SORCS1: variants seen among roughly 807,000 people sequenced by gnomAD.
SORCS1 encodes the protein VPS10 domain-containing receptor SorCS1.
In SORCS1, 60 loss-of-function variants were observed where a neutral mutation model predicts 146.1. The observed-to-expected ratio is 0.41, with a 90% CI of 0.33 to 0.51. SORCS1 has a LOEUF of 0.51. Among genes scored for constraint, SORCS1 ranks in the 20% least tolerant of loss-of-function variants. The pLI is 0.21. For synonymous variants in SORCS1, 637 were observed against 584.0 expected (o/e 1.09, Z -1.31); for missense variants, 1,352 against 1,487.6 (o/e 0.91, Z 1.50).
At chr10:106,641,169 G>C (rs1589542802) in intron 18 of SORCS1, among the ~76,000 whole-genome samples, 1 of 152,294 alleles carries the variant, frequency 6.6e-6, no homozygotes, top group South Asian at 2.1e-4. Context: ...ATCAACCTCA[G>C]AATAGCTATG....
intron 3 of SORCS1, among the ~76,000 whole-genome samples, chr10:106,786,176 T>C (rs532819022): frequency 2.6e-5 from 4 of 152,342 alleles, no homozygotes; most frequent in African/African-American, 9.6e-5. Flanking sequence ...ACTTATGTAT[T>C]GTATAACAAT....
chr10:106,783,879 C>T (rs1861079915), intron 3 of SORCS1, among the ~76,000 whole-genome samples: 1 of 152,092 alleles, frequency 6.6e-6, no homozygotes. Context: ...GGTGGAGAAA[C>T]ATTTTCCCAC....
At chr10:107,155,227 G>A (rs372183316) in intron 1 of SORCS1, among the ~76,000 whole-genome samples, 148 of 152,256 alleles carry the variant, frequency 9.7e-4, no homozygotes, top group African/African-American at 3.3e-3. Context: ...AAACACTGTG[G>A]ACTGCATCTC....
intron 4 of SORCS1, among the ~76,000 whole-genome samples, chr10:106,763,702 T>G (rs1362670091): frequency 6.6e-6 from 1 of 152,180 alleles, no homozygotes; most frequent in Middle Eastern, 3.2e-3. Context: ...CCTACTAAGA[T>G]TCCTACCGGT....
chr10:107,069,916 C>T (rs1962272431), intron 1 of SORCS1, among the ~76,000 whole-genome samples: 1 of 152,174 alleles, frequency 6.6e-6, no homozygotes, highest in Non-Finnish European at 1.5e-5. Context: ...ACCACCATCA[C>T]AATCTAACTG....
intron 8 of SORCS1, 115 bp downstream of exon 8, chr10:106,706,430 A>G: frequency 1.0e-6 from 1 of 970,330 alleles, no homozygotes; most frequent in Non-Finnish European, 1.6e-6. Flanking sequence ...CAGAGATGAG[A>G]GATGTAAAGA....
At chr10:106,597,327 G>T in intron 24 of SORCS1, 24 bp downstream of exon 24, 2 of 1,605,560 alleles carry the variant, frequency 1.2e-6, no homozygotes, top group South Asian at 1.1e-5. Context: ...CCACCAGCCA[G>T]AACCCCGGGA....
chr10:106,776,848 C>G (rs1395951965), intron 3 of SORCS1, among the ~76,000 whole-genome samples, 156 bp from the exon 4 acceptor site: 2 of 152,256 alleles, frequency 1.3e-5, no homozygotes, highest in East Asian at 3.9e-4. Context: ...GATTATTTTT[C>G]CATCTTGGAT....
At chr10:107,168,972 G>C (rs1404151555), upstream of SORCS1, among the ~76,000 whole-genome samples, 1 of 151,990 alleles carries the variant, frequency 6.6e-6, no homozygotes, top group Non-Finnish European at 1.5e-5. Context: ...ACTTTTTTTA[G>C]GCTGAGGGGA....
intron 24 of SORCS1, among the ~76,000 whole-genome samples, chr10:106,592,965 C>A (rs1168409686): frequency 1.3e-5 from 2 of 151,958 alleles, no homozygotes; most frequent in Non-Finnish European, 2.9e-5. Context: ...TGGTGAAACC[C>A]TGTCTCTACC....
At chr10:107,127,584 TAAAC>T (rs2134601885) in intron 1 of SORCS1, among the ~76,000 whole-genome samples, 1 of 152,306 alleles carries the variant, frequency 6.6e-6, no homozygotes, top group East Asian at 1.9e-4. Context: ...CAGAGGAACT[TAAAC>T]AAACAATTGG....
chr10:107,148,399 G>A (rs563732809), intron 1 of SORCS1, among the ~76,000 whole-genome samples: 1 of 152,152 alleles, frequency 6.6e-6, no homozygotes, highest in African/African-American at 2.4e-5. Flanking sequence ...GTGTGGCCAT[G>A]TTCCAGTAAG....
chr10:106,649,062 T>A (rs1423890405), intron 18 of SORCS1, among the ~76,000 whole-genome samples: 2 of 152,082 alleles, frequency 1.3e-5, no homozygotes, highest in Non-Finnish European at 2.9e-5. Flanking sequence ...GCTTCCTCCA[T>A]CTGCTGAGAG....
intron 5 of SORCS1, among the ~76,000 whole-genome samples, chr10:106,758,490 G>T (rs541181190): frequency 6.6e-6 from 1 of 152,276 alleles, no homozygotes; most frequent in East Asian, 1.9e-4. Context: ...GAAAAGATTT[G>T]TCCCTCATGC....
intron 17 of SORCS1, among the ~76,000 whole-genome samples, chr10:106,657,225 G>A (rs941578591): frequency 6.6e-6 from 1 of 152,134 alleles, no homozygotes; most frequent in African/African-American, 2.4e-5. Context: ...CAGCTGATGA[G>A]TGGATAAAGG....
At chr10:106,810,637 A>G (rs987314780) in intron 3 of SORCS1, among the ~76,000 whole-genome samples, 2 of 152,198 alleles carry the variant, frequency 1.3e-5, no homozygotes, top group African/African-American at 2.4e-5. Context: ...GGGCTCTGGA[A>G]CGTTCAACTG....
chr10:106,990,490 G>C (rs1969963), intron 1 of SORCS1, among the ~76,000 whole-genome samples: 33,642 of 151,798 alleles, frequency 0.22, 4,498 homozygotes, highest in Middle Eastern at 0.33. Flanking sequence ...GGCTGGTCTC[G>C]AACTCCTGAC....
intron 6 of SORCS1, among the ~76,000 whole-genome samples, chr10:106,722,120 TACACACACAC>T (rs140882766): frequency 6.9e-6 from 1 of 144,264 alleles, no homozygotes. Flanking sequence ...AATATATAAA[TACACACACAC>T]ACACACACAC....
chr10:106,576,758 A>G lies in SORCS1; in HGVS notation c.*662T>C, dbSNP rs1332158120. On this transcript the variant is annotated 3_prime_UTR_variant, in exon 26 of 26. Transcript: ENST00000263054. ...ACTTAGAAGGGAAATGACAGTATGGAAAGTGGAACAGAGAAACAGCTCAGG... is the reference window on the plus strand; with the variant it reads ...ACTTAGAAGGGAAATGACAGTATGGGAAGTGGAACAGAGAAACAGCTCAGG... The G allele has an allele frequency of 6.4e-6, 1 of 155,596 alleles. No individual in the cohort carries two copies. Among genetic ancestry groups the G allele is most frequent in the Non-Finnish European group, 1.4e-5 (1 of 70,372 alleles). 9.6% of individuals were successfully genotyped at this position (155,596 alleles called of 1,614,324 possible).
Sources: gnomAD v4.1 joint callset for allele counts (sites outside exome capture counted in the v4.1 genomes callset) on GRCh38, gnomAD v4.1.1 for gene constraint, MANE v1.5 for transcripts, NCBI Gene and HGNC (gene_info 2026-07-23, HGNC 2026-07-21) for gene names.